The following C1orf87 variants were observed in gnomAD, a reference collection of about 807,000 sequenced individuals.
C1orf87 encodes chromosome 1 open reading frame 87.
A neutral mutation model predicts 60.5 loss-of-function variants in C1orf87; 58 were observed. The observed-to-expected ratio is 0.96, with a 90% CI of 0.78 to 1.19. The LOEUF is 1.19. Among genes scored for constraint, C1orf87 ranks in the 50% most tolerant of loss-of-function variants. The pLI is 0.00. For missense variants in C1orf87, 673 were observed against 638.6 expected (o/e 1.05, Z -0.58); for synonymous variants, 236 against 227.4 (o/e 1.04, Z -0.34).
At chr1:60,034,251 C>T (rs1348279588) in intron 6 of C1orf87, among the ~76,000 whole-genome samples, 1 of 152,184 alleles carries the variant, frequency 6.6e-6, no homozygotes, top group African/African-American at 2.4e-5. Context: ...GGTGGTCTGT[C>T]TAACAGACTA....
In C1orf87 at chr1:59,990,566, T is replaced by A; in HGVS notation, c.*107A>T. On this transcript the variant is annotated 3_prime_UTR_variant, in exon 12 of 12. Transcript: ENST00000371201. ...AGCATCTACAATAGCTGCATCGGCC[T>A]CCACTCTGACAATGCCTCCGCCACT... 1 of 1,338,102 alleles carries A rather than the reference T, an allele frequency of 7.5e-7. No homozygotes were observed. The highest frequency in any genetic ancestry group is 1.0e-6 in the Non-Finnish European group (1 of 969,398). The allele number at this position is 1,338,102 out of a possible 1,614,324, so 82.9% of individuals were successfully genotyped here. A position where few individuals can be genotyped will look rare whatever the true frequency, so the allele number is the denominator to read the frequency against.
At chr1:60,032,139 C>A (rs919541805) in intron 7 of C1orf87, among the ~76,000 whole-genome samples, 1 of 152,098 alleles carries the variant, frequency 6.6e-6, no homozygotes, top group Non-Finnish European at 1.5e-5. Flanking sequence ...TAAATATCAC[C>A]GTTCTTTTAA....
chr1:60,070,483 T>C (rs1645576972), intron 2 of C1orf87, among the ~76,000 whole-genome samples: 1 of 152,166 alleles, frequency 6.6e-6, no homozygotes, highest in Non-Finnish European at 1.5e-5. Flanking sequence ...GAAGACAGAT[T>C]CTGCAGCATG....
Position 60,038,116 on chromosome 1 carries a change from T to G in C1orf87, c.748-9A>C. 1 of 1,486,862 alleles carries G rather than the reference T, an allele frequency of 6.7e-7. No individual in the cohort carries two copies. Among genetic ancestry groups the G allele is most frequent in the Non-Finnish European group, 9.2e-7 (1 of 1,083,944 alleles). 92.1% of individuals were successfully genotyped at this position (1,486,862 alleles called of 1,614,324 possible). ...AGCTTTTCATAATTCACCTGAAAATTAAATGTAAAATAGAACATCCTCATT... is the reference window on the plus strand; with the variant it reads ...AGCTTTTCATAATTCACCTGAAAATGAAATGTAAAATAGAACATCCTCATT... On this transcript the variant is annotated splice_polypyrimidine_tract_variant and intron_variant, in intron 5 of 11. Coordinates refer to ENST00000371201, the MANE Select transcript of C1orf87 (RefSeq NM_152377.3).
At chr1:59,999,751 G>C (rs1378347400) in intron 10 of C1orf87, among the ~76,000 whole-genome samples, 1 of 152,048 alleles carries the variant, frequency 6.6e-6, no homozygotes, top group African/African-American at 2.4e-5. Context: ...TCTTCTTTTA[G>C]TCCTATATAC....
chr1:60,013,701 G>A (rs1472538285), intron 8 of C1orf87, among the ~76,000 whole-genome samples: 1 of 149,872 alleles, frequency 6.7e-6, no homozygotes, highest in Non-Finnish European at 1.5e-5. Flanking sequence ...TTTTAATTAG[G>A]TGTTTTGCTT....
chr1:60,017,720 A>G lies in C1orf87; in HGVS notation c.1128-7264T>C, dbSNP rs1645133747. ...CGGATAATAATTTCCATCCAACAAA[A>G]CCTGAACTCATTTTACATAAGGGTG... On this transcript the variant is annotated intron_variant, in intron 8 of 11. Coordinates refer to ENST00000371201, the MANE Select transcript of C1orf87 (RefSeq NM_152377.3). 3.9e-5 allele frequency among the ~76,000 whole-genome samples: 6 copies of G among 152,142 alleles called. No individual in the cohort carries two copies. In the South Asian group the frequency reaches 1.2e-3, roughly 31 times the overall value.
intron 9 of C1orf87, among the ~76,000 whole-genome samples, chr1:60,003,312 G>A (rs1306565023): frequency 8.2e-6 from 1 of 121,900 alleles, no homozygotes; most frequent in Non-Finnish European, 1.6e-5. Flanking sequence ...CACACTCTGG[G>A]GACTTTTGTG....
Position 60,000,946 on chromosome 1 carries a change from C to T in C1orf87, c.1272+131G>A, listed in dbSNP as rs1005605751. 6.9e-6 allele frequency: 5 copies of T among 729,072 alleles called. No homozygotes were observed. In the African/African-American group the frequency reaches 9.2e-5, roughly 13 times the overall value. The allele number at this position is 729,072 out of a possible 1,614,324, so 45.2% of individuals were successfully genotyped here. On this transcript the variant is annotated intron_variant, in intron 10 of 11. Transcript: ENST00000371201. ...CTTTGCCCAAGGAGAGTCTTGAAGT[C>T]AAAGACAGTCTGACATCAAGGGTTT...
chr1:59,999,741 T>A (rs912643019), intron 10 of C1orf87, among the ~76,000 whole-genome samples: 1 of 152,166 alleles, frequency 6.6e-6, no homozygotes, highest in Non-Finnish European at 1.5e-5. Flanking sequence ...ACCCAGCTAA[T>A]CTTCTTTTAG....
chr1:60,042,368 G>A (rs1031575394), intron 3 of C1orf87, among the ~76,000 whole-genome samples: 5 of 152,016 alleles, frequency 3.3e-5, no homozygotes, highest in African/African-American at 1.2e-4. Context: ...TGGACACATC[G>A]TTATTTTTAA....
chr1:60,034,427 G>T (rs1645260902), intron 6 of C1orf87, among the ~76,000 whole-genome samples: 1 of 152,058 alleles, frequency 6.6e-6, no homozygotes, highest in Non-Finnish European at 1.5e-5. Context: ...GTTTTCCATT[G>T]TCTCAAGTTA....
At chr1:60,059,325 C>T (rs1399388474) in intron 2 of C1orf87, among the ~76,000 whole-genome samples, 1 of 152,220 alleles carries the variant, frequency 6.6e-6, no homozygotes, top group Admixed American at 6.5e-5. Flanking sequence ...AAGCAAGACA[C>T]AGCTAGCTTC....
Position 60,039,942 on chromosome 1 carries a change from A to T in C1orf87, c.722T>A (p.Phe241Tyr), listed in dbSNP as rs747925800. 6.2e-7 allele frequency: 1 copy of T among 1,613,894 alleles called. No individual in the cohort carries two copies. The highest frequency in any genetic ancestry group is 1.1e-5 in the South Asian group (1 of 90,972). Reference sequence around the variant, plus strand: ...CATTTCAGGAGAACCCCTCTTAGAAAATCTCTGACAAAGGATTTTAACTGT... The same window carrying T: ...CATTTCAGGAGAACCCCTCTTAGAATATCTCTGACAAAGGATTTTAACTGT... Reference protein sequence around the residue: ...LPTVKILCQRFSKRGSPEMVN... With the variant: ...LPTVKILCQRYSKRGSPEMVN... Residue 241 changes from phenylalanine to tyrosine, a missense_variant, in exon 5 of 12, where the codon TTT becomes TAT. Phe to Tyr is a conservative substitution (Grantham distance 22, BLOSUM62 3). Transcript: ENST00000371201.
chr1:60,040,167 C>T lies in C1orf87; in HGVS notation c.497G>A (p.Ser166Asn). The T allele has an allele frequency of 1.2e-6, 2 of 1,613,162 alleles. No homozygotes were observed. The highest frequency in any genetic ancestry group is 1.7e-6 in the Non-Finnish European group (2 of 1,179,776). Residue 166 changes from serine (S) to asparagine (N), a missense_variant, in exon 5 of 12, where the codon AGC (serine) becomes AAC (asparagine). Coordinates refer to ENST00000371201, the MANE Select transcript of C1orf87 (RefSeq NM_152377.3). ...GTCTTCATTTGTTGTCCCACTTGGG[C>T]TCTGGCCAATATCCTAACACAACAA... is the stretch of plus-strand genomic sequence containing the variant. The part of the protein sequence containing the change: ...SSDQPEDIGQ[S>N]PSGTTNEDAF...
At chr1:60,001,725 TC>T (rs1327037460) in intron 9 of C1orf87, among the ~76,000 whole-genome samples, 1 of 152,066 alleles carries the variant, frequency 6.6e-6, no homozygotes, top group Non-Finnish European at 1.5e-5. Context: ...CCTCTGCCCC[TC>T]CTTTTACACA....
chr1:60,063,184 A>G (rs1380626171), intron 2 of C1orf87, among the ~76,000 whole-genome samples: 2 of 152,184 alleles, frequency 1.3e-5, no homozygotes. Context: ...ATAGATATTC[A>G]GCTATTGTGT....
At position 60,033,541 on chromosome 1, in the gene C1orf87, C is replaced by T. The variant is rs759292452; in HGVS notation, c.964G>A (p.Asp322Asn). ...TTTCGAAAACTCAGATTGAGATTGT[C>T]TATGTTGAGTCTGCCATTGGTTGTC... ...LRTTNGRLNI[D>N]NLNLSFRKED... is the part of the protein sequence containing the mutation. The change falls in exon 7 of 12, where the codon GAC (aspartate) becomes AAC (asparagine). Residue 322 changes from aspartate (D) to asparagine (N), a missense_variant. By Grantham distance (23) the Asp-to-Asn change is conservative. Coordinates refer to ENST00000371201, the MANE Select transcript of C1orf87 (RefSeq NM_152377.3). 1.9e-6 allele frequency: 3 copies of T among 1,613,936 alleles called. No individual in the cohort carries two copies. In the Admixed American group the frequency reaches 5.0e-5, roughly 27 times the overall value.
intron 10 of C1orf87, among the ~76,000 whole-genome samples, chr1:59,999,773 T>G (rs1170799385): frequency 6.6e-6 from 1 of 152,164 alleles, no homozygotes; most frequent in Non-Finnish European, 1.5e-5. Context: ...TATCTTCTTC[T>G]TTGGCCACAA....
Sources: gnomAD v4.1 joint callset for allele counts (sites outside exome capture counted in the v4.1 genomes callset) on GRCh38, gnomAD v4.1.1 for gene constraint, MANE v1.5 for transcripts, NCBI Gene and HGNC (gene_info 2026-07-23, HGNC 2026-07-21) for gene names.